SENP2: variants seen among roughly 807,000 people sequenced by gnomAD.
SENP2 encodes SUMO specific peptidase 2.
In SENP2, 16 loss-of-function variants were observed where a neutral mutation model predicts 86.3. That is an observed-to-expected ratio of 0.19 (90% CI 0.13 to 0.28). SENP2 has a LOEUF of 0.28. Ranked by LOEUF, SENP2 falls within the 10% of genes least tolerant of loss-of-function variation. The pLI, the probability that SENP2 is intolerant of heterozygous loss-of-function variation, is 1.00. For missense variants in SENP2, 552 were observed against 703.0 expected, an observed-to-expected ratio of 0.79 and a Z score of 2.43; for synonymous variants, 222 against 238.7, an observed-to-expected ratio of 0.93 and a Z score of 0.64.
At chr3:185,622,652 GTCTTT>G (rs1199042963) in intron 14 of SENP2, among the ~76,000 whole-genome samples, 5 of 151,946 alleles carry the variant, frequency 3.3e-5, no homozygotes, top group Non-Finnish European at 7.4e-5. Flanking sequence ...TTCTCTTCTA[GTCTTT>G]TCTTTGTAAG....
chr3:185,618,634 T>C (rs1189957152), intron 12 of SENP2, among the ~76,000 whole-genome samples: 3 of 152,074 alleles, frequency 2.0e-5, no homozygotes, highest in Admixed American at 1.3e-4. Context: ...ATCCCAGCAC[T>C]TTGGAAGGCT....
rs9839326 is a variant in SENP2 at position 185,629,755 on chromosome 3, G to A, written c.1708-27G>A. 3,909 of 1,612,312 alleles carry A rather than the reference G, an allele frequency of 2.4e-3. 30 individuals are homozygous for A. Among genetic ancestry groups the A allele is most frequent in the African/African-American group, 0.022 (1,683 of 74,974 alleles). ...TGCCATGCACATTAATATGTAATGC[G>A]GGCGTTGTTTATGGGGTTCTTTGCA... On this transcript the variant is annotated intron_variant, in intron 16 of 16. Transcript: ENST00000296257.
rs201562693 is a variant in SENP2 at position 185,586,473 on chromosome 3, G to A, written c.60G>A (p.Val20=). The A allele has an allele frequency of 6.2e-7, 1 of 1,613,808 alleles. No homozygotes were observed. The highest frequency in any genetic ancestry group is 8.5e-7 in the Non-Finnish European group (1 of 1,180,002). The change falls in exon 1 of 17, where the codon GTG becomes GTA. Residue 20 remains valine (V), a synonymous_variant. Transcript: ENST00000296257. This position sits in a 1 kb window ranked among gnomAD's most constrained non-coding sequence, Gnocchi z 4.3. ...TTTTCCGTTTCTGCGACCGGTCGGT[G>A]CCCCCTGCCCGGGCCCTCCTGAAGA... ...GTIFRFCDRS[V]PPARALLKRR...
rs1256007180 is a variant in SENP2 at position 185,633,462 on chromosome 3, T to G, written c.*3618T>G. ...TGCTTTGATAATTTTTTTCTTTTAA[T>G]TTACCTAATATATATAAGGAAGGGG... On this transcript the variant is annotated 3_prime_UTR_variant, in exon 17 of 17. Transcript: ENST00000296257. 1 of 152,216 alleles carries G rather than the reference T, an allele frequency of 6.6e-6. No homozygotes were observed. The highest frequency in any genetic ancestry group is 1.5e-5 in the Non-Finnish European group (1 of 68,038). 9.4% of individuals were successfully genotyped at this position (152,216 alleles called of 1,614,324 possible).
intron 2 of SENP2, among the ~76,000 whole-genome samples, chr3:185,594,594 AGAC>A (rs1314964626): frequency 6.6e-6 from 1 of 151,846 alleles, no homozygotes; most frequent in East Asian, 1.9e-4. Flanking sequence ...AAAAGAAAGA[AGAC>A]CTCAGAATTT....
chr3:185,590,132 G>A lies in SENP2; in HGVS notation c.120G>A (p.Val40=), dbSNP rs761833861. ...RRSDSTLFST[V]DTDEIPAKRP... ...TTTTCAGCACTCTGTTTTCTACAGT[G>A]GACACTGATGAAATACCAGCCAAAA... Residue 40 remains valine (V), a synonymous_variant, in exon 2 of 17, where the codon GTG becomes GTA. Coordinates refer to ENST00000296257, the MANE Select transcript of SENP2 (RefSeq NM_021627.3). The A allele has an allele frequency of 1.9e-6, 3 of 1,543,408 alleles. No individual in the cohort carries two copies. Among genetic ancestry groups the A allele is most frequent in the African/African-American group, 2.8e-5 (2 of 71,854 alleles).
intron 14 of SENP2, among the ~76,000 whole-genome samples, chr3:185,623,640 C>T (rs970884725): frequency 7.3e-5 from 11 of 151,714 alleles, no homozygotes; most frequent in South Asian, 4.2e-4. Context: ...CTGGCTAACA[C>T]GGTGAAACCC....
chr3:185,606,687 G>A, intron 6 of SENP2, 189 bp downstream of exon 6: 2 of 573,168 alleles, frequency 3.5e-6, no homozygotes, highest in Non-Finnish European at 3.1e-6. Flanking sequence ...ATGTGCCCAG[G>A]CAGACTTTGA....
In SENP2 at chr3:185,606,453, A is replaced by G. The variant is rs753006275; in HGVS notation, c.573A>G (p.Glu191=). 5.6e-6 allele frequency: 9 copies of G among 1,613,842 alleles called. No homozygotes were observed. In the African/African-American group the frequency reaches 1.1e-4, roughly 19 times the overall value. Residue 191 remains glutamate, a synonymous_variant, in exon 6 of 17, where the codon GAA becomes GAG. Coordinates refer to ENST00000296257, the MANE Select transcript of SENP2 (RefSeq NM_021627.3). ...QEQAVTEMIS[E]ESGKGLRRPH... is the part of the protein sequence containing the mutation. The stretch of plus-strand genomic sequence containing the variant: ...AGGCTGTAACAGAGATGATTTCTGA[A>G]GAGAGTGGCAAGGGTCTGAGGCGTC...
At chr3:185,629,724 T>C in intron 16 of SENP2, 58 bp from the exon 17 acceptor site, 1 of 1,523,734 alleles carries the variant, frequency 6.6e-7, no homozygotes, top group East Asian at 2.3e-5. Context: ...CACCTGAAGG[T>C]TGTGCTGCCA....
At position 185,593,728 on chromosome 3, in the gene SENP2, CT is replaced by C. The variant is rs76181270; in HGVS notation, c.157+3576del. On this transcript the variant is annotated intron_variant, in intron 2 of 16. Transcript: ENST00000296257. ...ACTTAGTATTATTGTGTTTTCATTT[CT>C]TTTTTTTTTTTTTTTTGAGACGGAG... Among the ~76,000 whole-genome samples, 782 of 138,082 alleles carry C rather than the reference CT, an allele frequency of 5.7e-3. 4 individuals are homozygous for C. Among genetic ancestry groups the C allele is most frequent in the African/African-American group, 0.017 (637 of 37,252 alleles). The allele number at this position is 138,082 out of a possible 152,430, so 90.6% of individuals were successfully genotyped here. A position where few individuals can be genotyped will look rare whatever the true frequency, so the allele number is the denominator to read the frequency against.
chr3:185,621,156 C>CAA (rs1206042436), intron 13 of SENP2, among the ~76,000 whole-genome samples: 206 of 38,004 alleles, frequency 5.4e-3, no homozygotes, highest in Middle Eastern at 0.028. Flanking sequence ...GATCTTGTCT[C>CAA]AAAAAAAAAA....
At position 185,612,621 on chromosome 3, in the gene SENP2, A is replaced by T. The variant is rs770025911; in HGVS notation, c.832A>T (p.Thr278Ser). Residue 278 changes from threonine (T) to serine (S), a missense_variant, in exon 9 of 17, where the codon ACA (threonine) becomes TCA (serine). By Grantham distance (58) the Thr-to-Ser change is moderately conservative. This residue lies in a region of SENP2 where 383 missense variants were observed against 427.3 expected (regional missense o/e 0.90). Transcript: ENST00000296257. ...FVPKQYRLVE[T>S]RGPLCSLRSE... ...CATCCTCACAGATAGACTTGTTGAA[A>T]CAAGGGGACCTCTATGTTCATTGAG... 1 of 1,609,210 alleles carries T rather than the reference A, an allele frequency of 6.2e-7. No homozygotes were observed. The highest frequency in any genetic ancestry group is 8.5e-7 in the Non-Finnish European group (1 of 1,175,714).
At chr3:185,587,752 T>TTTTTTTTTTTA (rs1721840463) in intron 1 of SENP2, among the ~76,000 whole-genome samples, 19 of 141,320 alleles carry the variant, frequency 1.3e-4, no homozygotes, top group African/African-American at 1.9e-4. Flanking sequence ...TTTTTTTTTT[T>TTTTTTTTTTTA]GAGACAGAGT....
intron 5 of SENP2, among the ~76,000 whole-genome samples, chr3:185,601,106 C>T (rs980423919): frequency 7.8e-5 from 11 of 140,144 alleles, no homozygotes; most frequent in Non-Finnish European, 1.7e-4. Flanking sequence ...TGCATTGGTG[C>T]GATCTTGGCT....
At chr3:185,604,002 T>A (rs1304621924) in intron 5 of SENP2, among the ~76,000 whole-genome samples, 1 of 152,100 alleles carries the variant, frequency 6.6e-6, no homozygotes, top group African/African-American at 2.4e-5. Context: ...ACACCTGTAA[T>A]CCCAGCTACT....
At chr3:185,628,802 G>A (rs1048479217) in intron 16 of SENP2, among the ~76,000 whole-genome samples, 2 of 152,216 alleles carry the variant, frequency 1.3e-5, no homozygotes, top group Non-Finnish European at 2.9e-5. Flanking sequence ...CACCGCGCCT[G>A]GCCAAGAATG....
rs11345567 is a variant in SENP2 at position 185,589,074 on chromosome 3, AT to A, written c.102-1028del. ...GGAATCCTGGGATCTCATTCTATTCATTTTTTTTTTTTGCATGTGTGAATAT... is the reference window on the plus strand; with the variant it reads ...GGAATCCTGGGATCTCATTCTATTCATTTTTTTTTTTGCATGTGTGAATAT... On this transcript the variant is annotated intron_variant, in intron 1 of 16. Transcript: ENST00000296257. Among the ~76,000 whole-genome samples the A allele has an allele frequency of 4.0e-3, 583 of 145,192 alleles. 1 individual carries two copies. Among genetic ancestry groups the A allele is most frequent in the African/African-American group, 9.9e-3 (395 of 39,948 alleles).
intron 5 of SENP2, among the ~76,000 whole-genome samples, chr3:185,604,257 G>C (rs765493133): frequency 7.2e-5 from 11 of 152,084 alleles, no homozygotes; most frequent in Admixed American, 3.3e-4. Context: ...ATCTGTTATT[G>C]ATTTCTAGTT....
Sources: allele counts gnomAD v4.1 joint callset (sites outside exome capture counted in the v4.1 genomes callset), GRCh38; gene constraint gnomAD v4.1.1; regional missense constraint gnomAD v4.1.1; non-coding constraint Gnocchi (gnomAD v3.1); transcripts MANE v1.5; gene names NCBI Gene and HGNC (gene_info 2026-07-23, HGNC 2026-07-21).